The following SLC5A10 variants were observed in gnomAD, a reference collection of about 807,000 sequenced individuals.
The protein encoded by SLC5A10 is sodium/mannose cotransporter SLC5A10.
In SLC5A10, 55 loss-of-function variants were observed where a neutral mutation model predicts 68.9. The observed-to-expected ratio is 0.80, with a 90% CI of 0.64 to 1.00. SLC5A10 has a LOEUF of 1.00. Ranked by LOEUF, SLC5A10 falls within the 50% of genes least tolerant of loss-of-function variation. The pLI is 0.00. For missense variants in SLC5A10, 732 were observed against 819.3 expected (o/e 0.89, Z 1.30); for synonymous variants, 344 against 344.8 (o/e 1.00, Z 0.02).
At position 18,960,660 on chromosome 17, in the gene SLC5A10, G is replaced by A; in HGVS notation, c.453+8G>A. On this transcript the variant is annotated splice_region_variant and intron_variant, in intron 5 of 14. Transcript: ENST00000395645. Reference sequence around the variant, plus strand: ...GTCTTCACCAAGATATCGGTGAGCTGCCCCCGGCTCCCTGCTGGCATAGCC... The same window carrying A: ...GTCTTCACCAAGATATCGGTGAGCTACCCCCGGCTCCCTGCTGGCATAGCC... The A allele has an allele frequency of 6.2e-7, 1 of 1,612,548 alleles. No homozygotes were observed. Among genetic ancestry groups the A allele is most frequent in the Non-Finnish European group, 8.5e-7 (1 of 1,178,636 alleles).
At chr17:19,012,958 G>A (rs2044047275) in intron 9 of SLC5A10, among the ~76,000 whole-genome samples, 2 of 152,120 alleles carry the variant, frequency 1.3e-5, no homozygotes, top group South Asian at 2.1e-4. Flanking sequence ...GGACAGACGC[G>A]ACTTGTTGAC....
intron 9 of SLC5A10, among the ~76,000 whole-genome samples, chr17:18,989,456 C>T (rs1279327361): frequency 7.7e-6 from 1 of 129,638 alleles, no homozygotes; most frequent in Non-Finnish European, 1.6e-5. Context: ...AGGCCCCCAT[C>T]GTTCACCTGG....
Position 19,013,472 on chromosome 17 carries a change from T to TG in SLC5A10, c.1045_1046insG (p.Ser349CysfsTer196). The stretch of plus-strand genomic sequence containing the variant: ...GGCCTGCGGGGCCGAGGTCGGCTGC[T>TG]CCAACATCGCCTACCCCAAGCTGGT... On this transcript the variant is annotated frameshift_variant, in exon 10 of 15. Transcript: ENST00000395645. LOFTEE classifies it high-confidence loss of function. 1.9e-6 allele frequency: 3 copies of TG among 1,596,140 alleles called. No homozygotes were observed. The highest frequency in any genetic ancestry group is 1.1e-5 in the South Asian group (1 of 89,752).
intron 9 of SLC5A10, among the ~76,000 whole-genome samples, chr17:18,981,002 G>A (rs2043117590): frequency 6.6e-6 from 1 of 152,154 alleles, no homozygotes; most frequent in South Asian, 2.1e-4. Flanking sequence ...GTGACGTACT[G>A]GTCTGTCCCC....
At position 19,019,558 on chromosome 17, in the gene SLC5A10, C is replaced by T; in HGVS notation, c.1377C>T (p.Val459=). The T allele has an allele frequency of 2.5e-6, 4 of 1,612,196 alleles. No homozygotes were observed. The highest frequency in any genetic ancestry group is 3.4e-6 in the Non-Finnish European group (4 of 1,179,958). The change falls in exon 12 of 15, where the codon GTC becomes GTT. Residue 459 remains valine (V), a synonymous_variant. Transcript: ENST00000395645. Reference sequence around the variant, plus strand: ...CCCCACCAGTGACTGCAGTCTTTGTCCTGGGCGTCTTCTGGCGACGTGCCA... The same window carrying T: ...CCCCACCAGTGACTGCAGTCTTTGTTCTGGGCGTCTTCTGGCGACGTGCCA... ...SLAPPVTAVF[V]LGVFWRRANE...
At chr17:18,988,932 C>G (rs534633263) in intron 9 of SLC5A10, among the ~76,000 whole-genome samples, 1 of 152,328 alleles carries the variant, frequency 6.6e-6, no homozygotes, top group East Asian at 1.9e-4. Context: ...CCAAGCACCA[C>G]CAACAGGGCA....
chr17:18,964,267 A>G (rs2042668686), intron 5 of SLC5A10, among the ~76,000 whole-genome samples: 1 of 152,172 alleles, frequency 6.6e-6, no homozygotes, highest in Non-Finnish European at 1.5e-5. Flanking sequence ...GCCAGGGGTC[A>G]GCTCGTTTTT....
chr17:19,019,390 G>C (rs373320593), intron 11 of SLC5A10, 33 bp from the exon 12 acceptor site: 3 of 1,592,558 alleles, frequency 1.9e-6, no homozygotes, highest in Non-Finnish European at 2.6e-6. Flanking sequence ...AGCCTCCCAC[G>C]ACGACCGCTG....
chr17:18,961,507 G>A (rs561175316), intron 5 of SLC5A10, among the ~76,000 whole-genome samples: 6 of 152,208 alleles, frequency 3.9e-5, no homozygotes, highest in Non-Finnish European at 8.8e-5. Context: ...CAGGACCACC[G>A]TGTGAGGGCT....
intron 9 of SLC5A10, among the ~76,000 whole-genome samples, chr17:19,006,931 G>A (rs1390663532): frequency 6.6e-6 from 1 of 152,176 alleles, no homozygotes; most frequent in African/African-American, 2.4e-5. Flanking sequence ...AACCATTTCA[G>A]TGATTGAAGG....
Position 19,004,340 on chromosome 17 carries a change from C to CG in SLC5A10, c.983-9068dup. The CG allele has an allele frequency of 3.0e-6, 1 of 327,910 alleles. No homozygotes were observed. The highest frequency in any genetic ancestry group is 5.6e-6 in the Non-Finnish European group (1 of 178,276). The allele number at this position is 327,910 out of a possible 1,614,324, so 20.3% of individuals were successfully genotyped here. ...CTGGGATGGGAAGAAAGTAAGGGAT[C>CG]GGAACAGCGGTGAGGGAGCGGTGGG... On this transcript the variant is annotated intron_variant, in intron 9 of 14. Coordinates refer to ENST00000395645, the MANE Select transcript of SLC5A10 (RefSeq NM_001042450.4). The surrounding 1 kb of genome is among the most constrained non-coding windows in gnomAD (Gnocchi z 5.4).
intron 9 of SLC5A10, among the ~76,000 whole-genome samples, chr17:18,999,138 C>T (rs547349716): frequency 2.6e-5 from 4 of 152,228 alleles, no homozygotes; most frequent in African/African-American, 7.2e-5. Flanking sequence ...ATTAGCTGGG[C>T]GTGGTGGCGC....
intron 1 of SLC5A10, among the ~76,000 whole-genome samples, chr17:18,953,334 G>A (rs1287831728): frequency 2.6e-5 from 4 of 151,888 alleles, no homozygotes; most frequent in African/African-American, 9.7e-5. Context: ...GAGTTTTACC[G>A]TGTTGGCCAG....
Position 19,003,751 on chromosome 17 carries a change from G to T in SLC5A10, c.983-9659G>T. 6.2e-7 allele frequency: 1 copy of T among 1,605,584 alleles called. No individual in the cohort carries two copies. The highest frequency in any genetic ancestry group is 1.1e-5 in the South Asian group (1 of 90,640). ...CATCCGCCCCGCTGGCTTCCTCGCC[G>T]TCGCCGACCCCATTGTCCTCGGGCC... is the stretch of plus-strand genomic sequence containing the variant. On this transcript the variant is annotated intron_variant, in intron 9 of 14. Transcript: ENST00000395645. This position sits in a 1 kb window ranked among gnomAD's most constrained non-coding sequence, Gnocchi z 4.5.
At chr17:18,959,263 C>T (rs757499110) in intron 3 of SLC5A10, 24 bp downstream of exon 3, 12 of 1,609,126 alleles carry the variant, frequency 7.5e-6, no homozygotes, top group Non-Finnish European at 9.3e-6. Context: ...GACTGGCGGC[C>T]TGTGGGAGGG....
chr17:18,981,134 G>A (rs929518143), intron 9 of SLC5A10, among the ~76,000 whole-genome samples: 1 of 152,220 alleles, frequency 6.6e-6, no homozygotes, highest in Non-Finnish European at 1.5e-5. Context: ...TGAAGGGGAG[G>A]CTGAGGGGGT....
Position 19,003,860 on chromosome 17 carries a change from T to C in SLC5A10, c.983-9550T>C. 2 of 1,612,966 alleles carry C rather than the reference T, an allele frequency of 1.2e-6. No individual in the cohort carries two copies. The highest frequency in any genetic ancestry group is 1.7e-6 in the Non-Finnish European group (2 of 1,179,922). On this transcript the variant is annotated intron_variant, in intron 9 of 14. Transcript: ENST00000395645. This position sits in a 1 kb window ranked among gnomAD's most constrained non-coding sequence, Gnocchi z 4.5. ...CTCCAGGATGCGCTTGAGCTCCAGC[T>C]CCGAGAGGAAGTCTCGGATGTTCTC...
intron 9 of SLC5A10, among the ~76,000 whole-genome samples, chr17:19,008,811 TTA>T (rs2043954971): frequency 7.1e-6 from 1 of 140,586 alleles, no homozygotes; most frequent in East Asian, 2.1e-4. Flanking sequence ...ATTATTATTA[TTA>T]TTTTTTTTTT....
At position 19,004,251 on chromosome 17, in the gene SLC5A10, T is replaced by G; in HGVS notation, c.983-9159T>G. ...GGGCGGCGGGGGCGGGGCCGGGAAC[T>G]CAGGTGGGCGTGGGAAGGACGGGGC... On this transcript the variant is annotated intron_variant, in intron 9 of 14. Coordinates refer to ENST00000395645, the MANE Select transcript of SLC5A10 (RefSeq NM_001042450.4). This position sits in a 1 kb window ranked among gnomAD's most constrained non-coding sequence, Gnocchi z 5.4. 1 of 513,426 alleles carries G rather than the reference T, an allele frequency of 1.9e-6. No homozygotes were observed. Among genetic ancestry groups the G allele is most frequent in the Non-Finnish European group, 3.4e-6 (1 of 293,778 alleles). 31.8% of individuals were successfully genotyped at this position (513,426 alleles called of 1,614,324 possible).
Sources: allele counts gnomAD v4.1 joint callset (sites outside exome capture counted in the v4.1 genomes callset), GRCh38; gene constraint gnomAD v4.1.1; non-coding constraint Gnocchi (gnomAD v3.1); transcripts MANE v1.5; gene names NCBI Gene and HGNC (gene_info 2026-07-23, HGNC 2026-07-21).